BLTP3B: variants seen among roughly 807,000 people sequenced by gnomAD.
BLTP3B encodes bridge-like lipid transfer protein family member 3B, also known as UHRF1 (ICBP90) binding protein 1-like.
chr12:100,103,643 A>C, the BLTP3B span, among the ~76,000 whole-genome samples: 1 of 152,208 alleles, frequency 6.6e-6, no homozygotes, highest in Admixed American at 6.6e-5. Context: ...ATCCCATAGT[A>C]CATCAACAAA....
the BLTP3B span, among the ~76,000 whole-genome samples, chr12:100,116,420 G>C: frequency 7.3e-6 from 1 of 136,714 alleles, no homozygotes; most frequent in Admixed American, 7.9e-5. Flanking sequence ...CCACACTCCA[G>C]CCTGGGCAAC....
At chr12:100,059,177 T>C in the BLTP3B span, 2 of 1,614,132 alleles carry the variant, frequency 1.2e-6, no homozygotes, top group South Asian at 1.1e-5. Context: ...CTATCCAAAA[T>C]TGAGAAAAGT....
chr12:100,098,919 C>CAGATAGATAGAT, the BLTP3B span, among the ~76,000 whole-genome samples: 27,427 of 139,742 alleles, frequency 0.2, 4,544 homozygotes, highest in African/African-American at 0.46. Context: ...AAAATATAGA[C>CAGATAGATAGAT]AGATAGATAG....
chr12:100,095,424 C>T, the BLTP3B span, among the ~76,000 whole-genome samples: 1 of 152,162 alleles, frequency 6.6e-6, no homozygotes, highest in Admixed American at 6.5e-5. Context: ...GGTATTAAAA[C>T]ATCGAATACT....
At chr12:100,062,704 G>C in the BLTP3B span, among the ~76,000 whole-genome samples, 1 of 152,168 alleles carries the variant, frequency 6.6e-6, no homozygotes, top group Non-Finnish European at 1.5e-5. Context: ...TCTCATGTCT[G>C]TAATCCCAGC....
the BLTP3B span, among the ~76,000 whole-genome samples, chr12:100,094,519 T>TAGG: frequency 1.5e-4 from 23 of 152,260 alleles, no homozygotes; most frequent in Non-Finnish European, 3.1e-4. Context: ...CCCTGCACCT[T>TAGG]AGGAAATAGT....
chr12:100,068,439 C>T, the BLTP3B span, among the ~76,000 whole-genome samples: 12 of 152,070 alleles, frequency 7.9e-5, no homozygotes, highest in Non-Finnish European at 1.3e-4. Flanking sequence ...TTGGCTTACA[C>T]GAGGATTTCA....
At chr12:100,124,969 TATATATATA>T in the BLTP3B span, among the ~76,000 whole-genome samples, 4,091 of 115,742 alleles carry the variant, frequency 0.035, 295 homozygotes, top group African/African-American at 0.13. Context: ...TATATATATA[TATATATATA>T]TTTATATTTA....
At chr12:100,098,891 A>G in the BLTP3B span, among the ~76,000 whole-genome samples, 1 of 150,050 alleles carries the variant, frequency 6.7e-6, no homozygotes, top group African/African-American at 2.5e-5. Context: ...CCTGGGTGAC[A>G]GAGCAAGACT....
At chr12:100,076,388 C>CTTTTT in the BLTP3B span, among the ~76,000 whole-genome samples, 9 of 110,196 alleles carry the variant, frequency 8.2e-5, no homozygotes, top group African/African-American at 1.1e-4. Context: ...CCTCAGCAAT[C>CTTTTT]TTTTTTTTTT....
At chr12:100,127,646 T>G in the BLTP3B span, among the ~76,000 whole-genome samples, 1 of 152,196 alleles carries the variant, frequency 6.6e-6, no homozygotes, top group South Asian at 2.1e-4. Context: ...CATAATTGCT[T>G]TCCCTGATAA....
the BLTP3B span, among the ~76,000 whole-genome samples, chr12:100,068,976 G>A: frequency 5.3e-5 from 8 of 152,270 alleles, 1 homozygote; most frequent in East Asian, 3.9e-4. Context: ...GGTGGCTCCC[G>A]CCTGTCATCC....
the BLTP3B span, chr12:100,047,684 T>A: frequency 7.3e-7 from 1 of 1,373,240 alleles, no homozygotes. Flanking sequence ...CATTCGGTCA[T>A]ATTTTTAATG....
At chr12:100,088,774 C>T in the BLTP3B span, 1 of 617,822 alleles carries the variant, frequency 1.6e-6, no homozygotes, top group Non-Finnish European at 2.5e-6. Context: ...CCAGTTGTGC[C>T]TTTCATCTAT....
chr12:100,094,730 C>T, the BLTP3B span, among the ~76,000 whole-genome samples: 1 of 152,200 alleles, frequency 6.6e-6, no homozygotes, highest in African/African-American at 2.4e-5. Flanking sequence ...CGAGGTGGCA[C>T]TTGCCTGTAG....
the BLTP3B span, among the ~76,000 whole-genome samples, chr12:100,124,965 TATATATATATATA>T: frequency 8.3e-3 from 988 of 118,730 alleles, 25 homozygotes; most frequent in African/African-American, 0.028. Context: ...TATATATATA[TATATATATATATA>T]TTTATATTTA....
chr12:100,138,285 CT>C, the BLTP3B span, among the ~76,000 whole-genome samples: 8 of 152,184 alleles, frequency 5.3e-5, no homozygotes. Flanking sequence ...AGATATTCTT[CT>C]GCTTTCTGTT....
the BLTP3B span, among the ~76,000 whole-genome samples, chr12:100,140,729 A>AAAAAAAAAAAAAT: frequency 1.6e-5 from 1 of 61,492 alleles, no homozygotes; most frequent in East Asian, 3.4e-4. Context: ...AAAAAAAAAA[A>AAAAAAAAAAAAAT]ATATATATAT....
the BLTP3B span, among the ~76,000 whole-genome samples, chr12:100,071,100 C>T: frequency 6.6e-6 from 1 of 152,240 alleles, no homozygotes; most frequent in Admixed American, 6.6e-5. Context: ...ACTTGTTATG[C>T]CTCTGATAAC....
Sources: allele counts gnomAD v4.1 joint callset (sites outside exome capture counted in the v4.1 genomes callset), GRCh38; gene constraint gnomAD v4.1.1; transcripts MANE v1.5; gene names NCBI Gene and HGNC (gene_info 2026-07-23, HGNC 2026-07-21).